HSPH1: variants seen among roughly 807,000 people sequenced by gnomAD.
HSPH1 encodes heat shock protein 105 kDa.
HSPH1 carries 40 observed loss-of-function variants against 100.0 expected under a neutral mutation model. The ratio of observed to expected loss-of-function variants is 0.40; its 90% CI spans 0.31 to 0.52. HSPH1 has a LOEUF of 0.52. Among genes scored for constraint, HSPH1 ranks in the 20% least tolerant of loss-of-function variants. The pLI, the probability that HSPH1 is intolerant of heterozygous loss-of-function variation, is 0.54. For missense variants in HSPH1, 876 were observed against 1,015.1 expected, an observed-to-expected ratio of 0.86 and a Z score of 1.86; for synonymous variants, 403 against 344.0, an observed-to-expected ratio of 1.17 and a Z score of -1.90.
chr13:31,154,239 A>G (rs1006109327), intron 4 of HSPH1: 1 of 211,312 alleles, frequency 4.7e-6, no homozygotes, highest in Non-Finnish European at 9.6e-6. Flanking sequence ...AGGTTTTGTC[A>G]CTACTGGTAA....
Position 31,141,161 on chromosome 13 carries a change from C to T in HSPH1, c.1815G>A (p.Gln605=), listed in dbSNP as rs1175708143. Residue 605 remains glutamine (Q), a synonymous_variant, in exon 13 of 18, where the codon CAG becomes CAA. Transcript: ENST00000320027. ...ACATGTTAAGAAGGTCTTTCCCTAA[C>T]TGCCAGACCAAGTTGGCTTCAATAG... ...ELPIEANLVW[Q]LGKDLLNMYI... 2.5e-6 allele frequency: 4 copies of T among 1,607,444 alleles called. No individual in the cohort carries two copies. Among genetic ancestry groups the T allele is most frequent in the Non-Finnish European group, 3.4e-6 (4 of 1,175,654 alleles).
chr13:31,148,145 A>C, intron 9 of HSPH1, 53 bp from the exon 10 acceptor site: 1 of 1,517,740 alleles, frequency 6.6e-7, no homozygotes. Flanking sequence ...AAATATGCTT[A>C]CTGTGCTACA....
chr13:31,160,753 C>T (rs908104959), intron 1 of HSPH1, among the ~76,000 whole-genome samples: 4 of 152,010 alleles, frequency 2.6e-5, no homozygotes, highest in Non-Finnish European at 4.4e-5. Context: ...TTTAAAAATA[C>T]GGTTTACAAT....
chr13:31,147,872 G>T, intron 10 of HSPH1, 87 bp downstream of exon 10: 1 of 1,175,190 alleles, frequency 8.5e-7, no homozygotes, highest in Non-Finnish European at 1.2e-6. Flanking sequence ...ACATTACTAA[G>T]AATAAGACAA....
chr13:31,149,927 C>G (rs376248688), intron 8 of HSPH1, 27 bp downstream of exon 8: 55 of 1,575,156 alleles, frequency 3.5e-5, no homozygotes, highest in Non-Finnish European at 2.3e-5. Context: ...GACTGTACAC[C>G]AAGCAAAAGC....
intron 3 of HSPH1, among the ~76,000 whole-genome samples, chr13:31,154,963 A>G (rs1164590823): frequency 6.6e-6 from 1 of 152,106 alleles, no homozygotes; most frequent in Non-Finnish European, 1.5e-5. Context: ...AAGAAAAAGG[A>G]AGAAAGAACT....
In HSPH1 at chr13:31,141,139, TGTTAAGAAG is replaced by T; in HGVS notation, c.1828_1836del (p.Leu610_Asn612del). 6.3e-7 allele frequency: 1 copy of T among 1,598,694 alleles called. No individual in the cohort carries two copies. Among genetic ancestry groups the T allele is most frequent in the Non-Finnish European group, 8.5e-7 (1 of 1,170,708 alleles). ...GTACTTACCTCTGTCTCAATATACATGTTAAGAAGGTCTTTCCCTAACTGCCAGACCAAG... is the reference window on the plus strand; with the variant it reads ...GTACTTACCTCTGTCTCAATATACATGTCTTTCCCTAACTGCCAGACCAAG... On this transcript the variant is annotated inframe_deletion, in exon 13 of 18. Coordinates refer to ENST00000320027, the MANE Select transcript of HSPH1 (RefSeq NM_006644.4).
At chr13:31,162,281 C>G, upstream of HSPH1, 2 of 632,996 alleles carry the variant, frequency 3.2e-6, no homozygotes, top group East Asian at 2.8e-5. Context: ...GCTGGGCGGG[C>G]GGAGACAGAC....
intron 1 of HSPH1, among the ~76,000 whole-genome samples, chr13:31,160,964 A>G (rs1173875820): frequency 6.6e-6 from 1 of 152,208 alleles, no homozygotes; most frequent in Non-Finnish European, 1.5e-5. Context: ...GGAAGCTTCC[A>G]GTTCATTTCG....
At position 31,152,878 on chromosome 13, in the gene HSPH1, A is replaced by C. The variant is rs1956538524; in HGVS notation, c.503T>G (p.Leu168Ter). 1 of 1,612,260 alleles carries C rather than the reference A, an allele frequency of 6.2e-7. No homozygotes were observed. The highest frequency in any genetic ancestry group is 8.5e-7 in the Non-Finnish European group (1 of 1,178,452). The change falls in exon 5 of 18, where the codon TTA (leucine) becomes TGA (stop). Residue 168 changes from leucine to a stop codon, truncating the protein, a stop_gained. Transcript: ENST00000320027. LOFTEE classifies it high-confidence loss of function. The part of the protein sequence containing the change: ...DAAQIVGLNC[L>*]RLMNDMTAVA... Reference sequence around the variant, plus strand: ...AGCTGTCATGTCATTCATAAGTCTTAAACAGTTTAGGCCAACAATCTGTGC... The same window carrying C: ...AGCTGTCATGTCATTCATAAGTCTTCAACAGTTTAGGCCAACAATCTGTGC...
intron 12 of HSPH1, 46 bp downstream of exon 12, chr13:31,143,746 C>T: frequency 2.0e-6 from 3 of 1,516,108 alleles, no homozygotes; most frequent in Non-Finnish European, 2.7e-6. Flanking sequence ...TTAATGATTA[C>T]ACTTTGCAAC....
chr13:31,138,626 G>T, intron 16 of HSPH1, 58 bp from the exon 17 acceptor site: 1 of 1,538,362 alleles, frequency 6.5e-7, no homozygotes, highest in South Asian at 1.2e-5. Flanking sequence ...TATCTCATTT[G>T]ACTCAACTTT....
chr13:31,142,613 C>A (rs1257077964), intron 12 of HSPH1, among the ~76,000 whole-genome samples: 2 of 152,072 alleles, frequency 1.3e-5, no homozygotes, highest in Non-Finnish European at 2.9e-5. Context: ...CCCAATTAAA[C>A]CAACTACTGA....
intron 1 of HSPH1, among the ~76,000 whole-genome samples, chr13:31,160,351 A>G (rs930838953): frequency 1.3e-5 from 2 of 152,220 alleles, no homozygotes; most frequent in African/African-American, 2.4e-5. Flanking sequence ...ACATTGCCAA[A>G]TATTTTGCCT....
intron 2 of HSPH1, among the ~76,000 whole-genome samples, chr13:31,157,506 T>C (rs184847696): frequency 6.6e-6 from 1 of 152,362 alleles, no homozygotes; most frequent in Admixed American, 6.5e-5. Flanking sequence ...CAATTTCTTA[T>C]TAAACATAAG....
At chr13:31,154,034 C>G (rs555979904) in intron 4 of HSPH1, 1 of 154,288 alleles carries the variant, frequency 6.5e-6, no homozygotes, top group African/African-American at 2.4e-5. Flanking sequence ...TACTATAGAG[C>G]AAAGACCATG....
At chr13:31,155,716 T>C (rs1593209896) in intron 2 of HSPH1, 62 bp from the exon 3 acceptor site, 4 of 1,404,866 alleles carry the variant, frequency 2.8e-6, no homozygotes, top group East Asian at 2.3e-5. Context: ...CCAGTAATTT[T>C]AGTAATTTTA....
intron 4 of HSPH1, 107 bp downstream of exon 4, chr13:31,154,526 A>C (rs1179873775): frequency 5.6e-6 from 7 of 1,259,036 alleles, no homozygotes; most frequent in Non-Finnish European, 8.1e-6. Context: ...CCAGTAGAAC[A>C]CGGTCTCTAG....
intron 8 of HSPH1, 74 bp from the exon 9 acceptor site, chr13:31,148,554 A>AT: frequency 3.8e-6 from 1 of 263,014 alleles, no homozygotes; most frequent in Non-Finnish European, 7.0e-6. Context: ...CTCAATTCCA[A>AT]TGGATGGACA....
Sources: allele counts gnomAD v4.1 joint callset (sites outside exome capture counted in the v4.1 genomes callset), GRCh38; gene constraint gnomAD v4.1.1; transcripts MANE v1.5; gene names NCBI Gene and HGNC (gene_info 2026-07-23, HGNC 2026-07-21).